SMAD3: variants seen among roughly 807,000 people sequenced by gnomAD.
The protein encoded by SMAD3 is MAD homolog 3.
Under a neutral mutation model 51.8 loss-of-function variants are expected in SMAD3, and 12 were observed. That is an observed-to-expected ratio of 0.23 (90% CI 0.15 to 0.38). SMAD3 has a LOEUF of 0.38. SMAD3 is among the 10% of genes least tolerant of loss of function. The pLI is 1.00. For synonymous variants in SMAD3, 238 were observed against 227.7 expected (o/e 1.05, Z -0.41); for missense variants, 294 against 565.6 (o/e 0.52, Z 4.87).
At chr15:67,068,968 T>TGG (rs765431931) in intron 1 of SMAD3, among the ~76,000 whole-genome samples, 1 of 151,906 alleles carries the variant, frequency 6.6e-6, no homozygotes, top group African/African-American at 2.4e-5. Context: ...TCCCCCTGTG[T>TGG]GTGGGGGGTT....
chr15:67,093,746 G>A (rs79826987), intron 1 of SMAD3, among the ~76,000 whole-genome samples: 8,306 of 152,326 alleles, frequency 0.055, 260 homozygotes, highest in East Asian at 0.089. Context: ...ATGCGAGGTA[G>A]CACTGGTTGG....
intron 1 of SMAD3, chr15:67,138,403 G>T (rs750204072): frequency 1.5e-4 from 59 of 385,174 alleles, no homozygotes; most frequent in South Asian, 7.8e-4. Context: ...ATTTGCGGAA[G>T]AGGGTTCCAG....
At chr15:67,181,192 A>G in intron 5 of SMAD3, 49 bp from the exon 6 acceptor site, 1 of 1,446,450 alleles carries the variant, frequency 6.9e-7, no homozygotes. Context: ...TCGAGGGAGC[A>G]TGGGGCTTGG....
Position 67,192,741 on chromosome 15 carries a change from G to A in SMAD3, c.*2205G>A, listed in dbSNP as rs573356440. 9.1e-4 allele frequency: 211 copies of A among 232,900 alleles called. No individual in the cohort carries two copies. Among genetic ancestry groups the A allele is most frequent in the African/African-American group, 4.4e-3 (199 of 45,350 alleles). The allele number at this position is 232,900 out of a possible 1,614,324, so 14.4% of individuals were successfully genotyped here. The stretch of plus-strand genomic sequence containing the variant: ...GGTGATCCAGTGATCTATGGAAGTC[G>A]TGTCTTACTCCAGGTGAAGGGGGAA... On this transcript the variant is annotated 3_prime_UTR_variant, in exon 9 of 9. Coordinates refer to ENST00000327367, the MANE Select transcript of SMAD3 (RefSeq NM_005902.4).
At chr15:67,116,569 G>A (rs150966573) in intron 1 of SMAD3, among the ~76,000 whole-genome samples, 11 of 152,312 alleles carry the variant, frequency 7.2e-5, no homozygotes, top group Admixed American at 6.5e-4. Context: ...GGGAGCAGCT[G>A]TGATTATTAT....
intron 1 of SMAD3, among the ~76,000 whole-genome samples, chr15:67,110,060 G>A (rs1018434892): frequency 1.3e-5 from 2 of 152,230 alleles, no homozygotes; most frequent in Non-Finnish European, 2.9e-5. Flanking sequence ...TTCTCTGCCT[G>A]AAACCAGCAG....
chr15:67,139,092 A>T (rs1290223710), intron 1 of SMAD3, among the ~76,000 whole-genome samples: 2 of 152,222 alleles, frequency 1.3e-5, no homozygotes, highest in African/African-American at 4.8e-5. Flanking sequence ...GGGCTTGGGC[A>T]TATCTGAGGC....
At chr15:67,081,850 C>T (rs1469994128) in intron 1 of SMAD3, among the ~76,000 whole-genome samples, 1 of 152,118 alleles carries the variant, frequency 6.6e-6, no homozygotes, top group Non-Finnish European at 1.5e-5. Context: ...CCTCAGAAGC[C>T]TCTCGAGGTC....
intron 1 of SMAD3, among the ~76,000 whole-genome samples, chr15:67,155,341 A>C (rs1962253765): frequency 6.6e-6 from 1 of 152,182 alleles, no homozygotes; most frequent in Admixed American, 6.5e-5. Flanking sequence ...GAATAAGTGA[A>C]CCCCCAAATC....
intron 1 of SMAD3, among the ~76,000 whole-genome samples, chr15:67,132,437 G>A (rs1449466450): frequency 1.3e-5 from 2 of 152,172 alleles, no homozygotes; most frequent in African/African-American, 4.8e-5. Flanking sequence ...ACCAGAATGT[G>A]CAGCTTGTGC....
chr15:67,069,854 C>T (rs370465296), intron 1 of SMAD3, among the ~76,000 whole-genome samples: 29 of 152,016 alleles, frequency 1.9e-4, no homozygotes, highest in South Asian at 8.3e-4. Flanking sequence ...TACAGGCGCC[C>T]GCCACCACGC....
intron 4 of SMAD3, among the ~76,000 whole-genome samples, chr15:67,168,090 A>G (rs1456684965): frequency 1.3e-5 from 2 of 152,176 alleles, no homozygotes; most frequent in Admixed American, 6.5e-5. Flanking sequence ...AGTAGCTGGG[A>G]TTACAGGCAA....
At chr15:67,152,749 A>G (rs953576597) in intron 1 of SMAD3, among the ~76,000 whole-genome samples, 2 of 152,180 alleles carry the variant, frequency 1.3e-5, no homozygotes, top group Non-Finnish European at 2.9e-5. Flanking sequence ...TCTTTGTAGC[A>G]TCTTTTATTT....
intron 1 of SMAD3, among the ~76,000 whole-genome samples, chr15:67,089,744 C>T (rs2140212937): frequency 6.6e-6 from 1 of 152,342 alleles, no homozygotes; most frequent in South Asian, 2.1e-4. Context: ...AAAGCACTTT[C>T]CCACACGTCA....
At chr15:67,078,950 G>A (rs1345629583) in intron 1 of SMAD3, among the ~76,000 whole-genome samples, 1 of 152,062 alleles carries the variant, frequency 6.6e-6, no homozygotes, top group Non-Finnish European at 1.5e-5. Flanking sequence ...CTTCTTGCAA[G>A]CTGTGAAATG....
intron 5 of SMAD3, among the ~76,000 whole-genome samples, chr15:67,175,022 T>G (rs1962850738): frequency 6.6e-6 from 1 of 152,198 alleles, no homozygotes; most frequent in South Asian, 2.1e-4. Flanking sequence ...GCAGGAGATA[T>G]GAGCAGGTGA....
At chr15:67,151,589 G>T (rs1187274966) in intron 1 of SMAD3, among the ~76,000 whole-genome samples, 1 of 152,066 alleles carries the variant, frequency 6.6e-6, no homozygotes, top group African/African-American at 2.4e-5. Context: ...CCTCAGCCTC[G>T]CAAAGTGCTG....
chr15:67,160,712 A>G (rs941833298), intron 1 of SMAD3, among the ~76,000 whole-genome samples: 5 of 131,268 alleles, frequency 3.8e-5, no homozygotes, highest in African/African-American at 1.2e-4. Context: ...TGGAGCTTGC[A>G]GTAAGCCAAG....
At chr15:67,151,479 T>C (rs1962142535) in intron 1 of SMAD3, among the ~76,000 whole-genome samples, 1 of 151,920 alleles carries the variant, frequency 6.6e-6, no homozygotes, top group African/African-American at 2.4e-5. Flanking sequence ...ACTACAGGCT[T>C]GCGCCACCAT....
Sources: allele counts gnomAD v4.1 joint callset (sites outside exome capture counted in the v4.1 genomes callset), GRCh38; gene constraint gnomAD v4.1.1; transcripts MANE v1.5; gene names NCBI Gene and HGNC (gene_info 2026-07-23, HGNC 2026-07-21).